PBX3: variants seen among roughly 807,000 people sequenced by gnomAD.
The protein encoded by PBX3 is pre-B-cell leukemia transcription factor 3.
A neutral mutation model predicts 48.5 loss-of-function variants in PBX3; 14 were observed. The ratio of observed to expected loss-of-function variants is 0.29; its 90% CI spans 0.19 to 0.45. The LOEUF is 0.45. Ranked by LOEUF, PBX3 falls within the 20% of genes least tolerant of loss-of-function variation. The pLI is 1.00. For missense variants in PBX3, 386 were observed against 546.7 expected (o/e 0.71, Z 2.93); for synonymous variants, 210 against 200.3 (o/e 1.05, Z -0.41).
At chr9:125,852,815 A>G (rs1434346958) in intron 2 of PBX3, among the ~76,000 whole-genome samples, 2 of 152,152 alleles carry the variant, frequency 1.3e-5, no homozygotes, top group African/African-American at 2.4e-5. Flanking sequence ...TTTAAACACA[A>G]CAGTTAGTAG....
intron 2 of PBX3, among the ~76,000 whole-genome samples, chr9:125,811,421 C>G (rs1167518216): frequency 6.6e-6 from 1 of 152,172 alleles, no homozygotes; most frequent in Non-Finnish European, 1.5e-5. Context: ...ATAATTGAAT[C>G]ATGGGGGTGG....
At chr9:125,892,628 C>A (rs1168193113) in intron 2 of PBX3, among the ~76,000 whole-genome samples, 1 of 152,172 alleles carries the variant, frequency 6.6e-6, no homozygotes, top group Non-Finnish European at 1.5e-5. Flanking sequence ...TATATGTATT[C>A]TTTCCTTTTG....
intron 2 of PBX3, among the ~76,000 whole-genome samples, chr9:125,825,569 C>T (rs987588669): frequency 1.2e-4 from 18 of 151,468 alleles, no homozygotes; most frequent in African/African-American, 3.9e-4. Context: ...GTTGTGATGC[C>T]ATGCTTCACG....
At chr9:125,889,521 T>C (rs1840583886) in intron 2 of PBX3, among the ~76,000 whole-genome samples, 2 of 152,202 alleles carry the variant, frequency 1.3e-5, no homozygotes, top group African/African-American at 4.8e-5. Flanking sequence ...GTCACCTTGA[T>C]GAAACAATCT....
chr9:125,900,711 T>C (rs934418957), intron 2 of PBX3, among the ~76,000 whole-genome samples: 9 of 151,762 alleles, frequency 5.9e-5, no homozygotes, highest in African/African-American at 2.2e-4. Context: ...ATTTATATCA[T>C]AATACTAATT....
At chr9:125,753,735 T>C (rs1172964210) in intron 2 of PBX3, among the ~76,000 whole-genome samples, 2 of 152,064 alleles carry the variant, frequency 1.3e-5, no homozygotes, top group African/African-American at 2.4e-5. Flanking sequence ...TAGAAGTCTT[T>C]TAATACACTA....
chr9:125,958,000 T>C (rs993868419), intron 5 of PBX3, among the ~76,000 whole-genome samples: 1 of 152,250 alleles, frequency 6.6e-6, no homozygotes, highest in Non-Finnish European at 1.5e-5. Context: ...GAGAACATGC[T>C]TTAAGAAGCG....
Position 125,808,251 on chromosome 9 carries a change from G to C in PBX3, c.274+59628G>C. Among the ~76,000 whole-genome samples the C allele has an allele frequency of 2.0e-5, 3 of 152,274 alleles. 1 individual carries two copies. The Middle Eastern group carries it at 0.01, about 518-fold the overall frequency. Reference sequence around the variant, plus strand: ...TCTAGTATAAAATAGGACGTATAGTGTGAAAAATGTGGGACTGACAGCATC... The same window carrying C: ...TCTAGTATAAAATAGGACGTATAGTCTGAAAAATGTGGGACTGACAGCATC... On this transcript the variant is annotated intron_variant, in intron 2 of 8. Transcript: ENST00000373489.
At position 125,845,222 on chromosome 9, in the gene PBX3, A is replaced by C. The variant is rs75616034; in HGVS notation, c.275-70464A>C. Among the ~76,000 whole-genome samples the C allele has an allele frequency of 1.4e-3, 216 of 152,184 alleles. 2 individuals carry two copies. The highest frequency in any genetic ancestry group is 4.7e-3 in the African/African-American group (197 of 41,524). On this transcript the variant is annotated intron_variant, in intron 2 of 8. Coordinates refer to ENST00000373489, the MANE Select transcript of PBX3 (RefSeq NM_006195.6). ...AAAAGTCCTTTACTATGCAGTGTGG[A>C]TGCAACTGTGAAATGGTTGACTCAT... is the stretch of plus-strand genomic sequence containing the variant.
intron 2 of PBX3, among the ~76,000 whole-genome samples, chr9:125,877,843 A>G (rs1235870748): frequency 1.3e-5 from 2 of 152,184 alleles, no homozygotes; most frequent in Non-Finnish European, 2.9e-5. Flanking sequence ...TTGTTGTCTT[A>G]CCAGATTCAT....
chr9:125,945,037 A>G (rs1197799246), intron 5 of PBX3, among the ~76,000 whole-genome samples: 1 of 152,094 alleles, frequency 6.6e-6, no homozygotes, highest in Non-Finnish European at 1.5e-5. Context: ...AGTCTGGCCA[A>G]CATGGTGAAA....
At chr9:125,895,995 T>C (rs903123826) in intron 2 of PBX3, among the ~76,000 whole-genome samples, 2 of 152,092 alleles carry the variant, frequency 1.3e-5, no homozygotes, top group Non-Finnish European at 2.9e-5. Context: ...TTTTAATACT[T>C]GCTACTTTAC....
rs757430882 is a variant in PBX3, at chr9:125,965,823, C to T, written c.1213-8C>T. ...CGTGCACCCGTTGAACTGTGTTTCTCCTTTCAGGCTAATGGAGGCTGGCAG... is the reference window on the plus strand; with the variant it reads ...CGTGCACCCGTTGAACTGTGTTTCTTCTTTCAGGCTAATGGAGGCTGGCAG... On this transcript the variant is annotated splice_polypyrimidine_tract_variant and splice_region_variant and intron_variant, in intron 8 of 8. Coordinates refer to ENST00000373489, the MANE Select transcript of PBX3 (RefSeq NM_006195.6). The T allele has an allele frequency of 3.1e-6, 5 of 1,610,292 alleles. No individual in the cohort carries two copies. Among genetic ancestry groups the T allele is most frequent in the Non-Finnish European group, 4.2e-6 (5 of 1,176,516 alleles).
chr9:125,884,166 G>A (rs1417241034), intron 2 of PBX3, among the ~76,000 whole-genome samples: 2 of 152,204 alleles, frequency 1.3e-5, no homozygotes, highest in African/African-American at 4.8e-5. Context: ...TTTACTGACA[G>A]CATTACTAGG....
chr9:125,933,511 C>T (rs906235123), intron 4 of PBX3, among the ~76,000 whole-genome samples: 1 of 152,168 alleles, frequency 6.6e-6, no homozygotes, highest in South Asian at 2.1e-4. Context: ...TCCTTTCATA[C>T]GTCGCTATTT....
intron 2 of PBX3, chr9:125,844,909 A>G (rs1378134738): frequency 2.0e-5 from 3 of 152,156 alleles, no homozygotes; most frequent in Admixed American, 1.3e-4. Context: ...TAGTAGGTTC[A>G]GCACCATTTC....
chr9:125,783,768 GC>G (rs1837385839), intron 2 of PBX3, among the ~76,000 whole-genome samples: 1 of 152,086 alleles, frequency 6.6e-6, no homozygotes, highest in African/African-American at 2.4e-5. Flanking sequence ...AGAGGCTGAG[GC>G]GGGCAGATCA....
intron 2 of PBX3, among the ~76,000 whole-genome samples, chr9:125,769,766 A>G (rs937410991): frequency 6.6e-6 from 1 of 152,212 alleles, no homozygotes; most frequent in Non-Finnish European, 1.5e-5. Context: ...GAACTAGTGT[A>G]AGCTTCCTGG....
At chr9:125,792,923 C>T (rs1194241254) in intron 2 of PBX3, among the ~76,000 whole-genome samples, 1 of 151,960 alleles carries the variant, frequency 6.6e-6, no homozygotes, top group Non-Finnish European at 1.5e-5. Flanking sequence ...TGGTCTTGAA[C>T]TCCTGACCTT....
Sources: gnomAD v4.1 joint callset for allele counts (sites outside exome capture counted in the v4.1 genomes callset) on GRCh38, gnomAD v4.1.1 for gene constraint, MANE v1.5 for transcripts, NCBI Gene and HGNC (gene_info 2026-07-23, HGNC 2026-07-21) for gene names.